Variants in HSPG2 observed in about 807,000 individuals in gnomAD.
The protein encoded by HSPG2 is basement membrane-specific heparan sulfate proteoglycan core protein.
In HSPG2, 278 loss-of-function variants were observed where a neutral mutation model predicts 526.6. The ratio of observed to expected loss-of-function variants is 0.53; its 90% CI spans 0.48 to 0.58. The LOEUF (loss-of-function observed/expected upper bound fraction) is 0.58, where lower values mean the gene tolerates loss of function less well. Among genes scored for constraint, HSPG2 ranks in the 20% least tolerant of loss-of-function variants. The pLI, the probability that HSPG2 is intolerant of heterozygous loss-of-function variation, is 0.00. For missense variants in HSPG2, 5,354 were observed against 6,099.5 expected (o/e 0.88, Z 4.07); for synonymous variants, 2,465 against 2,555.4 (o/e 0.96, Z 1.07).
intron 6 of HSPG2, chr1:21,889,742 C>T (rs1033230967): frequency 6.9e-6 from 4 of 576,150 alleles, no homozygotes; most frequent in Non-Finnish European, 1.3e-5. Flanking sequence ...TACCTATTGT[C>T]AATGTGCAGA....
In HSPG2 at chr1:21,870,878, G is replaced by C. The variant is rs1202170847; in HGVS notation, c.4221+1308C>G. 3.0e-6 allele frequency: 3 copies of C among 986,236 alleles called. No individual in the cohort carries two copies. The African/African-American group carries it at 5.2e-5, about 17-fold the overall frequency. The allele number at this position is 986,236 out of a possible 1,614,324, so 61.1% of individuals were successfully genotyped here. A position where few individuals can be genotyped will look rare whatever the true frequency, so the allele number is the denominator to read the frequency against. ...CGCGCAAAGTACGCCTCCCCCTGTG[G>C]GGCGCAGGGAAATGCCAGGACAGGA... On this transcript the variant is annotated intron_variant, in intron 33 of 96. Coordinates refer to ENST00000374695, the MANE Select transcript of HSPG2 (RefSeq NM_005529.7).
chr1:21,888,736 A>T (rs779631664), intron 6 of HSPG2: 2 of 1,361,850 alleles, frequency 1.5e-6, no homozygotes, highest in Non-Finnish European at 2.0e-6. Context: ...GGAAGATGTG[A>T]TCAGTGGCTG....
intron 84 of HSPG2, 44 bp downstream of exon 84, chr1:21,831,171 G>A (rs760056242): frequency 8.1e-6 from 13 of 1,600,310 alleles, no homozygotes; most frequent in South Asian, 2.2e-5. Flanking sequence ...ATGGCTAGGG[G>A]TGGAGGCCAC....
In HSPG2 at chr1:21,874,538, A is replaced by G; in HGVS notation, c.3529-5T>C. 1 of 1,613,624 alleles carries G rather than the reference A, an allele frequency of 6.2e-7. No individual in the cohort carries two copies. Among genetic ancestry groups the G allele is most frequent in the African/African-American group, 1.3e-5 (1 of 75,002 alleles). ...CTCCGTGTGATGCTGGCAGCCCTGG[A>G]GGAGCAGGATGTGAGTTGAGGCTGG... On this transcript the variant is annotated splice_region_variant and splice_polypyrimidine_tract_variant and intron_variant, in intron 27 of 96. Coordinates refer to ENST00000374695, the MANE Select transcript of HSPG2 (RefSeq NM_005529.7).
At chr1:21,876,470 C>T (rs754140111) in intron 22 of HSPG2, 42 bp downstream of exon 22, 1 of 1,613,170 alleles carries the variant, frequency 6.2e-7, no homozygotes, top group South Asian at 1.1e-5. Context: ...GTCCATCCGG[C>T]CCAGGGCTTG....
chr1:21,869,620 A>G (rs1640492822), intron 33 of HSPG2: 4 of 985,866 alleles, frequency 4.1e-6, no homozygotes, highest in Non-Finnish European at 3.6e-6. Flanking sequence ...GCTGGACAGG[A>G]GCTGCCAGAT....
rs776271771 is a variant in HSPG2, at chr1:21,873,970, G to A, written c.3698C>T (p.Thr1233Ile). 1.1e-5 allele frequency: 18 copies of A among 1,606,956 alleles called. No homozygotes were observed. The South Asian group carries it at 2.0e-4, about 18-fold the overall frequency. The change falls in exon 29 of 97, where the codon ACC (threonine) becomes ATC (isoleucine). Residue 1233 changes from threonine (T) to isoleucine (I), a missense_variant. Physicochemically the swap from Thr to Ile is moderately conservative, Grantham distance 89. Transcript: ENST00000374695. ...GTGGCCTGGGGAGCACGCATCACAG[G>A]TGGGGTGGCCGTCTGTGTCCAGAAA... is the stretch of plus-strand genomic sequence containing the variant. ...TCFLDTDGHPTCDACSPGHSG... is the reference protein window; with the variant it reads ...TCFLDTDGHPICDACSPGHSG...
chr1:21,927,872 C>A (rs945182236), intron 1 of HSPG2, among the ~76,000 whole-genome samples: 3 of 152,246 alleles, frequency 2.0e-5, no homozygotes, highest in Non-Finnish European at 4.4e-5. Flanking sequence ...CCTTACACAG[C>A]CATTCATTCA....
rs372955510 is a variant in HSPG2, at chr1:21,876,348, G to C, written c.2884C>G (p.His962Asp). Reference sequence around the variant, plus strand: ...GAGAAGATGCCCTCGTTGGTGGTGTGGGTGCTTGCGGCGTTGGTCAGGCTG... The same window carrying C: ...GAGAAGATGCCCTCGTTGGTGGTGTCGGTGCTTGCGGCGTTGGTCAGGCTG... The part of the protein sequence containing the change: ...HFSLTNAAST[H>D]TTNEGIFSPT... Residue 962 changes from histidine (H) to aspartate (D), a missense_variant, in exon 23 of 97, where the codon CAC becomes GAC. By Grantham distance (81) the His-to-Asp change is moderately conservative. Coordinates refer to ENST00000374695, the MANE Select transcript of HSPG2 (RefSeq NM_005529.7). 2 of 1,613,562 alleles carry C rather than the reference G, an allele frequency of 1.2e-6. No individual in the cohort carries two copies. The highest frequency in any genetic ancestry group is 2.7e-5 in the African/African-American group (2 of 74,906).
At chr1:21,918,230 C>G (rs1291804158) in intron 1 of HSPG2, among the ~76,000 whole-genome samples, 3 of 152,028 alleles carry the variant, frequency 2.0e-5, no homozygotes. Context: ...TTTGGGAGGC[C>G]GAGGCAGGCG....
At chr1:21,842,688 T>C in intron 67 of HSPG2, 82 bp downstream of exon 67, 1 of 1,576,040 alleles carries the variant, frequency 6.3e-7, no homozygotes, top group Non-Finnish European at 8.7e-7. Flanking sequence ...CAGGCTGGTG[T>C]TTGCATGAGG....
At position 21,829,987 on chromosome 1, in the gene HSPG2, C is replaced by T. The variant is rs1218997009; in HGVS notation, c.11770+6G>A. 2.5e-6 allele frequency: 4 copies of T among 1,603,394 alleles called. No homozygotes were observed. Among genetic ancestry groups the T allele is most frequent in the South Asian group, 1.1e-5 (1 of 88,930 alleles). ...CCCTGGGGGTCTCAGGCCTGGCTCCCCTCACCTTCCTCACACCGCAACCCC... is the reference window on the plus strand; with the variant it reads ...CCCTGGGGGTCTCAGGCCTGGCTCCTCTCACCTTCCTCACACCGCAACCCC... On this transcript the variant is annotated splice_donor_region_variant and intron_variant, in intron 86 of 96. Transcript: ENST00000374695.
chr1:21,860,206 C>T lies in HSPG2; in HGVS notation c.4985G>A (p.Ser1662Asn). The T allele has an allele frequency of 6.2e-7, 1 of 1,613,804 alleles. No individual in the cohort carries two copies. Among genetic ancestry groups the T allele is most frequent in the Non-Finnish European group, 8.5e-7 (1 of 1,179,978 alleles). ...TGGCAGGCACTGGCCCCCTTGCACA[C>T]TGGGGTTACCCACGTAACCTGGGCC... is the stretch of plus-strand genomic sequence containing the variant. The part of the protein sequence containing the change: ...QCGPGYVGNP[S>N]VQGGQCLPET... The change falls in exon 40 of 97, where the codon AGT becomes AAT. Residue 1662 changes from serine (S) to asparagine (N), a missense_variant. Coordinates refer to ENST00000374695, the MANE Select transcript of HSPG2 (RefSeq NM_005529.7).
chr1:21,850,514 G>A lies in HSPG2; in HGVS notation c.7159-16C>T, dbSNP rs1318689329. On this transcript the variant is annotated splice_polypyrimidine_tract_variant and intron_variant, in intron 55 of 96. Coordinates refer to ENST00000374695, the MANE Select transcript of HSPG2 (RefSeq NM_005529.7). The stretch of plus-strand genomic sequence containing the variant: ...AGCCGTGGGTCTGGCCAGAATGGGG[G>A]TGAGTCAGAGGGAGCCCTCAGGAGA... 1.3e-6 allele frequency: 2 copies of A among 1,598,806 alleles called. No homozygotes were observed. The highest frequency in any genetic ancestry group is 1.7e-6 in the Non-Finnish European group (2 of 1,171,046).
In HSPG2 at chr1:21,839,331, A is replaced by G; in HGVS notation, c.9889+40T>C. ...GGTGGAGCCTAGTCGGGGGGCTCAGATCTCCATTTGGTGCAGACAAAGAAG... is the reference window on the plus strand; with the variant it reads ...GGTGGAGCCTAGTCGGGGGGCTCAGGTCTCCATTTGGTGCAGACAAAGAAG... On this transcript the variant is annotated intron_variant, in intron 73 of 96. Transcript: ENST00000374695. This position sits in a 1 kb window ranked among gnomAD's most constrained non-coding sequence, Gnocchi z 4.5. The G allele has an allele frequency of 1.2e-6, 2 of 1,600,316 alleles. No homozygotes were observed. The highest frequency in any genetic ancestry group is 1.7e-6 in the Non-Finnish European group (2 of 1,175,702).
chr1:21,827,273 G>A (rs2097980387), intron 91 of HSPG2, among the ~76,000 whole-genome samples: 1 of 152,138 alleles, frequency 6.6e-6, no homozygotes, highest in Non-Finnish European at 1.5e-5. Context: ...AGGGAAAGAT[G>A]TTACTCATCT....
intron 1 of HSPG2, among the ~76,000 whole-genome samples, chr1:21,933,319 AG>A (rs1218323515): frequency 1.3e-5 from 2 of 152,106 alleles, no homozygotes; most frequent in African/African-American, 4.8e-5. Context: ...AGGGCCTCGT[AG>A]GCTATATTAA....
intron 25 of HSPG2, chr1:21,875,303 G>A (rs7355175): frequency 1.2e-5 from 7 of 594,682 alleles, no homozygotes; most frequent in South Asian, 2.0e-5. Context: ...ATCACTCTCC[G>A]GCGAATGACT....
chr1:21,916,637 A>G (rs1162351501), intron 1 of HSPG2, among the ~76,000 whole-genome samples: 1 of 151,296 alleles, frequency 6.6e-6, no homozygotes, highest in Non-Finnish European at 1.5e-5. Context: ...GGTTGCAGTG[A>G]GCCGAGATTG....
Sources: allele counts gnomAD v4.1 joint callset (sites outside exome capture counted in the v4.1 genomes callset), GRCh38; gene constraint gnomAD v4.1.1; non-coding constraint Gnocchi (gnomAD v3.1); transcripts MANE v1.5; gene names NCBI Gene and HGNC (gene_info 2026-07-23, HGNC 2026-07-21).